The following DLG2 variants were observed in gnomAD, a reference collection of about 807,000 sequenced individuals.
DLG2 encodes the protein disks large homolog 2.
Under a neutral mutation model 132.5 loss-of-function variants are expected in DLG2, and 45 were observed. The observed-to-expected ratio is 0.34, with a 90% CI of 0.27 to 0.44. DLG2 has a LOEUF of 0.44. Among genes scored for constraint, DLG2 ranks in the 20% least tolerant of loss-of-function variants. The pLI, the probability that DLG2 is intolerant of heterozygous loss-of-function variation, is 1.00. For missense variants in DLG2, 1,045 were observed against 1,196.9 expected, an observed-to-expected ratio of 0.87 and a Z score of 1.87; for synonymous variants, 424 against 419.6, an observed-to-expected ratio of 1.01 and a Z score of -0.13.
At chr11:83,795,301 G>T (rs1228988597) in intron 17 of DLG2, among the ~76,000 whole-genome samples, 1 of 152,044 alleles carries the variant, frequency 6.6e-6, no homozygotes, top group African/African-American at 2.4e-5. Flanking sequence ...CCAGCTACTT[G>T]GGAGGCTGAG....
At chr11:85,391,092 A>G (rs1046707392) in intron 3 of DLG2, among the ~76,000 whole-genome samples, 7 of 152,056 alleles carry the variant, frequency 4.6e-5, no homozygotes, top group Admixed American at 2.6e-4. Flanking sequence ...CAATTAGAGG[A>G]AAAACAGGAG....
intron 3 of DLG2, among the ~76,000 whole-genome samples, chr11:85,527,180 T>TA (rs2074827470): frequency 6.6e-6 from 1 of 150,438 alleles, no homozygotes; most frequent in African/African-American, 2.4e-5. Flanking sequence ...GTTTTTATTT[T>TA]TTTTTTTTTT....
At chr11:85,191,162 G>GCACACACACACACACACACA (rs3067460) in intron 4 of DLG2, among the ~76,000 whole-genome samples, 3 of 139,842 alleles carry the variant, frequency 2.1e-5, no homozygotes, top group African/African-American at 8.3e-5. Context: ...GCGCACGCGC[G>GCACACACACACACACACACA]CACACACACA....
At chr11:83,613,898 A>G (rs551278291) in intron 19 of DLG2, among the ~76,000 whole-genome samples, 28 of 152,320 alleles carry the variant, frequency 1.8e-4, no homozygotes, top group African/African-American at 5.8e-4. Context: ...TCTGATTTAG[A>G]GTAGGTCTGG....
intron 10 of DLG2, among the ~76,000 whole-genome samples, chr11:84,078,360 T>G (rs2096856441): frequency 6.6e-6 from 1 of 152,168 alleles, no homozygotes; most frequent in Admixed American, 6.5e-5. Context: ...TGACTGTTGC[T>G]TTTCAATTTT....
intron 18 of DLG2, among the ~76,000 whole-genome samples, chr11:83,715,119 ATG>A (rs1487915150): frequency 1.3e-5 from 2 of 152,136 alleles, no homozygotes; most frequent in Non-Finnish European, 2.9e-5. Flanking sequence ...AAGGACATGG[ATG>A]AAACTGGTAA....
At chr11:83,669,325 G>A (rs2076423964) in intron 18 of DLG2, among the ~76,000 whole-genome samples, 1 of 152,126 alleles carries the variant, frequency 6.6e-6, no homozygotes, top group African/African-American at 2.4e-5. Flanking sequence ...AATTGATACT[G>A]AGTATGTTTC....
intron 7 of DLG2, among the ~76,000 whole-genome samples, chr11:84,465,980 G>A (rs751856750): frequency 8.6e-5 from 13 of 151,102 alleles, no homozygotes; most frequent in Non-Finnish European, 1.3e-4. Context: ...ATTTGATGTT[G>A]CCATACTACT....
chr11:84,217,417 C>T (rs764878005), intron 8 of DLG2, among the ~76,000 whole-genome samples: 20 of 152,156 alleles, frequency 1.3e-4, no homozygotes, highest in Admixed American at 7.9e-4. Flanking sequence ...AGTCTCTTCT[C>T]TTGTCTGCCG....
intron 4 of DLG2, among the ~76,000 whole-genome samples, chr11:85,163,215 A>G (rs549835583): frequency 6.7e-6 from 1 of 148,824 alleles, no homozygotes; most frequent in East Asian, 2.0e-4. Context: ...TTACACACAC[A>G]CACACACAGA....
At chr11:85,351,082 C>T (rs761403276) in intron 3 of DLG2, among the ~76,000 whole-genome samples, 14 of 152,148 alleles carry the variant, frequency 9.2e-5, no homozygotes, top group African/African-American at 3.1e-4. Flanking sequence ...TCTTTTATTT[C>T]GTTGAGCAGT....
chr11:85,249,682 C>G (rs570389325), intron 4 of DLG2, among the ~76,000 whole-genome samples: 1 of 152,090 alleles, frequency 6.6e-6, no homozygotes, highest in South Asian at 2.1e-4. Flanking sequence ...ACTTATCTGT[C>G]AAATATCCAA....
intron 15 of DLG2, among the ~76,000 whole-genome samples, chr11:83,908,434 T>TTCTCTC (rs369097045): frequency 6.6e-6 from 1 of 151,874 alleles, no homozygotes; most frequent in East Asian, 1.9e-4. Flanking sequence ...CTGTCTTTTT[T>TTCTCTC]TCTCTCTCTC....
At chr11:85,393,766 T>C (rs1397829900) in intron 3 of DLG2, among the ~76,000 whole-genome samples, 1 of 151,992 alleles carries the variant, frequency 6.6e-6, no homozygotes, top group Non-Finnish European at 1.5e-5. Context: ...TATATGTGGA[T>C]GGAACTGGAA....
At chr11:84,374,497 C>T (rs966757419) in intron 7 of DLG2, among the ~76,000 whole-genome samples, 7 of 152,012 alleles carry the variant, frequency 4.6e-5, no homozygotes, top group African/African-American at 1.7e-4. Flanking sequence ...TTTTTTTTAG[C>T]CCATCAGCTG....
chr11:84,271,588 G>T (rs1001223088), intron 7 of DLG2, among the ~76,000 whole-genome samples: 1 of 152,188 alleles, frequency 6.6e-6, no homozygotes, highest in South Asian at 2.1e-4. Flanking sequence ...GGAGACGCTT[G>T]TTGGTTGATT....
rs1349371354 is a variant in DLG2, at chr11:83,499,850, GAGATATATATATATATATATATAT to G, written c.2194-15646_2194-15623del. Among the ~76,000 whole-genome samples the G allele has an allele frequency of 4.3e-4, 25 of 58,768 alleles. 1 individual carries two copies. The highest frequency in any genetic ancestry group is 0.011 in the Middle Eastern group (1 of 92). 38.6% of individuals were successfully genotyped at this position (58,768 alleles called of 152,430 possible). ...ATATATATATTTCCTCCACTAATAG[GAGATATATATATATATATATATAT>G]ATATATATATATATATATATATATC... On this transcript the variant is annotated intron_variant, in intron 21 of 27. Coordinates refer to ENST00000376104, the MANE Select transcript of DLG2 (RefSeq NM_001142699.3).
chr11:84,728,017 T>C (rs958642266), intron 6 of DLG2, among the ~76,000 whole-genome samples: 28 of 152,194 alleles, frequency 1.8e-4, no homozygotes, highest in Non-Finnish European at 1.2e-4. Context: ...GTTTTCTAAA[T>C]ATACAATCAT....
In DLG2 at chr11:83,818,223, T is replaced by C. The variant is rs190776295; in HGVS notation, c.1722+15391A>G. On this transcript the variant is annotated intron_variant, in intron 17 of 27. Coordinates refer to ENST00000376104, the MANE Select transcript of DLG2 (RefSeq NM_001142699.3). ...AGGCCAAATAGTCTCCTGCATCTGGTGTCTTGTTGGTCTGGGCTGTTGATA... is the reference window on the plus strand; with the variant it reads ...AGGCCAAATAGTCTCCTGCATCTGGCGTCTTGTTGGTCTGGGCTGTTGATA... 4.8e-4 allele frequency among the ~76,000 whole-genome samples: 73 copies of C among 152,298 alleles called. 2 individuals are homozygous for C. Among genetic ancestry groups the C allele is most frequent in the Middle Eastern group, 3.4e-3 (1 of 294 alleles).
Sources: allele counts gnomAD v4.1 joint callset (sites outside exome capture counted in the v4.1 genomes callset), GRCh38; gene constraint gnomAD v4.1.1; transcripts MANE v1.5; gene names NCBI Gene and HGNC (gene_info 2026-07-23, HGNC 2026-07-21).